The following GRID2 variants were observed in gnomAD, a reference collection of about 807,000 sequenced individuals.
The protein encoded by GRID2 is glutamate receptor ionotropic, delta-2.
Under a neutral mutation model 114.8 loss-of-function variants are expected in GRID2, and 33 were observed. The ratio of observed to expected loss-of-function variants is 0.29; its 90% CI spans 0.22 to 0.38. The LOEUF (loss-of-function observed/expected upper bound fraction) is 0.38, where lower values mean the gene tolerates loss of function less well. Among genes scored for constraint, GRID2 ranks in the 10% least tolerant of loss-of-function variants. The probability of loss-of-function intolerance (pLI) is 1.00; values close to 1 mark genes in which losing one functional copy is unlikely to be tolerated. For missense variants in GRID2, 1,184 were observed against 1,257.7 expected (o/e 0.94, Z 0.89); for synonymous variants, 505 against 449.9 (o/e 1.12, Z -1.55).
chr4:93,219,263 A>G (rs983100242), intron 6 of GRID2, among the ~76,000 whole-genome samples: 1 of 152,222 alleles, frequency 6.6e-6, no homozygotes, highest in Non-Finnish European at 1.5e-5. Flanking sequence ...TGACTGTGTC[A>G]TTTAGGGACA....
At chr4:92,972,355 C>G (rs1167160935) in intron 2 of GRID2, among the ~76,000 whole-genome samples, 1 of 151,470 alleles carries the variant, frequency 6.6e-6, no homozygotes, top group African/African-American at 2.4e-5. Flanking sequence ...ATTAAGAAGA[C>G]AAAATTTTAA....
At chr4:92,791,910 G>A (rs923189364) in intron 2 of GRID2, among the ~76,000 whole-genome samples, 17 of 151,698 alleles carry the variant, frequency 1.1e-4, no homozygotes, top group Non-Finnish European at 1.9e-4. Flanking sequence ...TTTAGTGTAG[G>A]GCCTCATGCA....
chr4:92,397,600 A>G (rs993068572), intron 1 of GRID2, among the ~76,000 whole-genome samples: 1 of 152,182 alleles, frequency 6.6e-6, no homozygotes, highest in African/African-American at 2.4e-5. Flanking sequence ...CTATTATAGC[A>G]TAAAACAACT....
chr4:93,003,940 G>A (rs536520300), intron 2 of GRID2, among the ~76,000 whole-genome samples: 2 of 151,974 alleles, frequency 1.3e-5, no homozygotes, highest in East Asian at 3.9e-4. Flanking sequence ...AAAAATAAAA[G>A]CCAAACCAAA....
At chr4:93,056,453 A>G (rs1727252523) in intron 2 of GRID2, among the ~76,000 whole-genome samples, 1 of 151,878 alleles carries the variant, frequency 6.6e-6, no homozygotes, top group Non-Finnish European at 1.5e-5. Context: ...TTTCACTTTA[A>G]TGCTGCATAG....
At chr4:92,376,199 A>C (rs1729347825) in intron 1 of GRID2, among the ~76,000 whole-genome samples, 1 of 152,060 alleles carries the variant, frequency 6.6e-6, no homozygotes, top group Non-Finnish European at 1.5e-5. Context: ...AGTCCCAGCT[A>C]CTCAGAAGTC....
intron 2 of GRID2, among the ~76,000 whole-genome samples, chr4:92,921,663 C>A (rs1371538399): frequency 1.3e-5 from 2 of 152,116 alleles, no homozygotes; most frequent in Admixed American, 1.3e-4. Context: ...AGAACAGCGG[C>A]TATTGGTGAA....
chr4:92,619,905 T>TTTC lies in GRID2; in HGVS notation c.244+29619_244+29620insTTC, dbSNP rs1553908412. On this transcript the variant is annotated intron_variant, in intron 2 of 15. Coordinates refer to ENST00000282020, the MANE Select transcript of GRID2 (RefSeq NM_001510.4). The stretch of plus-strand genomic sequence containing the variant: ...GCGAAGTTACACATGCCTTTTTTTT[T>TTTC]CCCCCACAGGAGGGATAGAGAAATT... Among the ~76,000 whole-genome samples the TTTC allele has an allele frequency of 4.6e-5, 7 of 151,650 alleles. 1 individual carries two copies. In the South Asian group the frequency reaches 6.2e-4, roughly 14 times the overall value.
intron 2 of GRID2, among the ~76,000 whole-genome samples, chr4:93,021,618 T>TA (rs1723332108): frequency 1.4e-5 from 2 of 144,666 alleles, no homozygotes; most frequent in Non-Finnish European, 3.0e-5. Context: ...TATTTATATA[T>TA]TGTATATATT....
chr4:92,433,382 G>A (rs887242679), intron 1 of GRID2, among the ~76,000 whole-genome samples: 1 of 152,204 alleles, frequency 6.6e-6, no homozygotes, highest in Non-Finnish European at 1.5e-5. Flanking sequence ...TTGCCAGAGT[G>A]CTTTAGCCTG....
intron 2 of GRID2, among the ~76,000 whole-genome samples, chr4:92,626,186 C>T (rs62307917): frequency 0.047 from 7,151 of 152,064 alleles, 210 homozygotes; most frequent in East Asian, 0.094. Context: ...GAAGATGTCA[C>T]TTAGCATGGG....
chr4:93,423,440 T>C (rs1484831365), intron 10 of GRID2, among the ~76,000 whole-genome samples: 5 of 142,446 alleles, frequency 3.5e-5, no homozygotes, highest in African/African-American at 5.2e-5. Flanking sequence ...CTCCGCCTCC[T>C]AGGTTCGCGC....
chr4:93,105,724 T>G (rs1157301528), intron 3 of GRID2, among the ~76,000 whole-genome samples: 1 of 152,194 alleles, frequency 6.6e-6, no homozygotes, highest in East Asian at 1.9e-4. Context: ...TTCATCTCTC[T>G]GAAGATGCTG....
intron 3 of GRID2, among the ~76,000 whole-genome samples, chr4:93,088,426 C>A (rs1275028111): frequency 1.3e-5 from 2 of 152,042 alleles, no homozygotes; most frequent in Non-Finnish European, 2.9e-5. Flanking sequence ...CTTTAATAAG[C>A]TTACAGTTAA....
At chr4:92,487,504 C>T (rs1351576440) in intron 1 of GRID2, among the ~76,000 whole-genome samples, 1 of 151,926 alleles carries the variant, frequency 6.6e-6, no homozygotes, top group Non-Finnish European at 1.5e-5. Flanking sequence ...AAAGATATTT[C>T]CACTAGATAA....
chr4:92,726,526 A>G (rs550877226), intron 2 of GRID2, among the ~76,000 whole-genome samples: 7 of 152,102 alleles, frequency 4.6e-5, no homozygotes, highest in African/African-American at 9.6e-5. Flanking sequence ...TTCTTTTGTT[A>G]TGCATTGTAA....
chr4:93,674,156 G>A (rs528102148), intron 14 of GRID2, among the ~76,000 whole-genome samples: 2 of 152,266 alleles, frequency 1.3e-5, no homozygotes, highest in African/African-American at 4.8e-5. Context: ...ATACTCTGAA[G>A]TATAAAGTCA....
At chr4:93,065,489 T>C (rs1388752346) in intron 2 of GRID2, among the ~76,000 whole-genome samples, 4 of 151,888 alleles carry the variant, frequency 2.6e-5, no homozygotes, top group Admixed American at 1.3e-4. Context: ...TCTCTCCCAG[T>C]CATAACTTAT....
chr4:92,325,931 G>A (rs999049921), intron 1 of GRID2, among the ~76,000 whole-genome samples: 7 of 150,948 alleles, frequency 4.6e-5, no homozygotes, highest in East Asian at 1.9e-4. Flanking sequence ...CCACATTCCC[G>A]GGTCTACTCT....
Sources: gnomAD v4.1 joint callset for allele counts (sites outside exome capture counted in the v4.1 genomes callset) on GRCh38, gnomAD v4.1.1 for gene constraint, MANE v1.5 for transcripts, NCBI Gene and HGNC (gene_info 2026-07-23, HGNC 2026-07-21) for gene names.